The following CSNK1D variants were observed in gnomAD, a reference collection of about 807,000 sequenced individuals.
CSNK1D encodes casein kinase I isoform delta.
A neutral mutation model predicts 46.6 loss-of-function variants in CSNK1D; 16 were observed. That is an observed-to-expected ratio of 0.34 (90% confidence interval 0.23 to 0.52). The LOEUF (loss-of-function observed/expected upper bound fraction) is 0.52. Ranked by LOEUF, CSNK1D falls within the 20% of genes least tolerant of loss-of-function variation. CSNK1D has a pLI of 0.95. For missense variants in CSNK1D, 398 were observed against 578.4 expected (o/e 0.69, Z 3.20); for synonymous variants, 276 against 228.2 (o/e 1.21, Z -1.89).
chr17:82,245,719 G>C (rs774489759), intron 8 of CSNK1D: 2 of 510,306 alleles, frequency 3.9e-6, no homozygotes, highest in South Asian at 4.1e-5. Context: ...ACGCAGTCAC[G>C]GGGAGGCCAC....
rs1049377062 is a variant in CSNK1D, at chr17:82,264,816, G to A, written c.187+870C>T. Among the ~76,000 whole-genome samples the A allele has an allele frequency of 8.6e-5, 5 of 58,416 alleles. No homozygotes were observed. In the East Asian group the frequency reaches 1.4e-3, roughly 16 times the overall value. The allele number at this position is 58,416 out of a possible 152,430, so 38.3% of individuals were successfully genotyped here. On this transcript the variant is annotated intron_variant, in intron 2 of 8. Transcript: ENST00000314028. ...CAAAATCTTTTTTTTTTTTTTTTTT[G>A]AGACGGAGTCTCGCTCTTTCATCCA...
In CSNK1D at chr17:82,248,428, T is replaced by G; in HGVS notation, c.1197+447A>C. The G allele has an allele frequency of 3.0e-6, 3 of 1,009,812 alleles. No individual in the cohort carries two copies. Among genetic ancestry groups the G allele is most frequent in the Non-Finnish European group, 3.6e-6 (3 of 843,448 alleles). The allele number at this position is 1,009,812 out of a possible 1,614,324, so 62.6% of individuals were successfully genotyped here. A position where few individuals can be genotyped will look rare whatever the true frequency, so the allele number is the denominator to read the frequency against. ...TTGCAGGGCATGCCACCAGGGAGGGTCTCACAAGAAGCCCGTGGAGGTCCC... is the reference window on the plus strand; with the variant it reads ...TTGCAGGGCATGCCACCAGGGAGGGGCTCACAAGAAGCCCGTGGAGGTCCC... On this transcript the variant is annotated intron_variant, in intron 8 of 8. Transcript: ENST00000314028. This position sits in a 1 kb window ranked among gnomAD's most constrained non-coding sequence, Gnocchi z 4.1.
At position 82,252,713 on chromosome 17, in the gene CSNK1D, G is replaced by C; in HGVS notation, c.566-109C>G. On this transcript the variant is annotated intron_variant, in intron 4 of 8. Coordinates refer to ENST00000314028, the MANE Select transcript of CSNK1D (RefSeq NM_001893.6). This position sits in a 1 kb window ranked among gnomAD's most constrained non-coding sequence, Gnocchi z 4.6. ...GACTAGCCTCAGACACACATGCCCA[G>C]ATCACTCCAGCTGGCACTTCCAGTG... 2 of 1,151,046 alleles carry C rather than the reference G, an allele frequency of 1.7e-6. No homozygotes were observed. Among genetic ancestry groups the C allele is most frequent in the South Asian group, 2.6e-5 (2 of 76,434 alleles). The allele number at this position is 1,151,046 out of a possible 1,614,324, so 71.3% of individuals were successfully genotyped here.
chr17:82,261,474 G>C (rs2051338639), intron 2 of CSNK1D, among the ~76,000 whole-genome samples: 1 of 152,164 alleles, frequency 6.6e-6, no homozygotes, highest in Non-Finnish European at 1.5e-5. Flanking sequence ...TCTGTGAAAA[G>C]TTTCAATATA....
intron 8 of CSNK1D, chr17:82,246,349 C>T: frequency 1.5e-6 from 2 of 1,298,242 alleles, no homozygotes; most frequent in South Asian, 1.5e-5. Context: ...TGCTGGGCAG[C>T]CCCACAACTG....
In CSNK1D at chr17:82,250,625, G is replaced by A. The variant is rs559591894; in HGVS notation, c.885+754C>T. 7.6e-5 allele frequency: 14 copies of A among 185,256 alleles called. No homozygotes were observed. The South Asian group carries it at 1.0e-3, about 14-fold the overall frequency. The allele number at this position is 185,256 out of a possible 1,614,324, so 11.5% of individuals were successfully genotyped here. ...GCAAGTAAGTCAAGATGAACAGAGT[G>A]CACCCCTCCCAGCATCTGGAGACCC... On this transcript the variant is annotated intron_variant, in intron 6 of 8. Transcript: ENST00000314028. The surrounding 1 kb of genome is among the most constrained non-coding windows in gnomAD (Gnocchi z 4.6).
intron 3 of CSNK1D, 197 bp from the exon 4 acceptor site, chr17:82,253,441 C>A (rs1213894626): frequency 6.5e-6 from 4 of 618,030 alleles, no homozygotes; most frequent in Admixed American, 2.1e-5. Flanking sequence ...CCACACTCCA[C>A]CCTCCACAGG....
Position 82,250,316 on chromosome 17 carries a change from C to T in CSNK1D, c.886-714G>A, listed in dbSNP as rs547612193. The T allele has an allele frequency of 9.9e-6, 7 of 705,036 alleles. No individual in the cohort carries two copies. The highest frequency in any genetic ancestry group is 1.8e-5 in the African/African-American group (1 of 54,500). 43.7% of individuals were successfully genotyped at this position (705,036 alleles called of 1,614,324 possible). A position where few individuals can be genotyped will look rare whatever the true frequency, so the allele number is the denominator to read the frequency against. ...ACAGCCACGTTCACCAGGCAACACA[C>T]AGACCGACACACCTGCGGCTGCAGC... On this transcript the variant is annotated intron_variant, in intron 6 of 8. Transcript: ENST00000314028. This position sits in a 1 kb window ranked among gnomAD's most constrained non-coding sequence, Gnocchi z 4.6.
At position 82,255,041 on chromosome 17, in the gene CSNK1D, C is replaced by T. The variant is rs1168286329; in HGVS notation, c.336+388G>A. 5.5e-5 allele frequency: 20 copies of T among 362,398 alleles called. No individual in the cohort carries two copies. The highest frequency in any genetic ancestry group is 9.7e-4 in the Middle Eastern group (1 of 1,032). The allele number at this position is 362,398 out of a possible 1,614,324, so 22.4% of individuals were successfully genotyped here. A position where few individuals can be genotyped will look rare whatever the true frequency, so the allele number is the denominator to read the frequency against. On this transcript the variant is annotated intron_variant, in intron 3 of 8. Coordinates refer to ENST00000314028, the MANE Select transcript of CSNK1D (RefSeq NM_001893.6). This position sits in a 1 kb window ranked among gnomAD's most constrained non-coding sequence, Gnocchi z 5.9. ...CCAGTGAGCTGAGCCGTCGGAGCCT[C>T]GAGAAGCCAGTGAGCTGAGCCGCCG...
chr17:82,253,474 CCCA>C lies in CSNK1D; in HGVS notation c.337-233_337-231del, dbSNP rs780249962. The C allele has an allele frequency of 1.0e-3, 566 of 541,784 alleles. 2 individuals carry two copies. The highest frequency in any genetic ancestry group is 5.9e-3 in the Middle Eastern group (12 of 2,026). 33.6% of individuals were successfully genotyped at this position (541,784 alleles called of 1,614,324 possible). A position where few individuals can be genotyped will look rare whatever the true frequency, so the allele number is the denominator to read the frequency against. ...AGGCCTAGGCGCTTTGCCTTCAGCT[CCCA>C]CAAAACAGAGAGGTGAGGCGACAGA... On this transcript the variant is annotated intron_variant, in intron 3 of 8. Transcript: ENST00000314028.
chr17:82,262,100 C>A (rs999377911), intron 2 of CSNK1D, among the ~76,000 whole-genome samples: 2 of 152,242 alleles, frequency 1.3e-5, no homozygotes, highest in Non-Finnish European at 2.9e-5. Flanking sequence ...AGGTGTCTAT[C>A]CAAATCTTCC....
At chr17:82,260,036 CTGA>C (rs1568574288) in intron 2 of CSNK1D, among the ~76,000 whole-genome samples, 1 of 108,554 alleles carries the variant, frequency 9.2e-6, no homozygotes, top group African/African-American at 5.7e-5. Flanking sequence ...GGTGTACTGA[CTGA>C]TGTGACTGAT....
At position 82,244,421 on chromosome 17, in the gene CSNK1D, C is replaced by G. The variant is rs1337024041; in HGVS notation, c.*360G>C. ...GCAAAATGATACAAAACTGTCTTAACCAAGTAGAAGATTGGTAGTTACAGT... is the reference window on the plus strand; with the variant it reads ...GCAAAATGATACAAAACTGTCTTAAGCAAGTAGAAGATTGGTAGTTACAGT... On this transcript the variant is annotated 3_prime_UTR_variant, in exon 9 of 9. Transcript: ENST00000314028. 4 of 1,233,206 alleles carry G rather than the reference C, an allele frequency of 3.2e-6. No homozygotes were observed. In the Admixed American group the frequency reaches 1.4e-4, roughly 44 times the overall value. 76.4% of individuals were successfully genotyped at this position (1,233,206 alleles called of 1,614,324 possible). A position where few individuals can be genotyped will look rare whatever the true frequency, so the allele number is the denominator to read the frequency against.
At chr17:82,240,556 C>T (rs143420827), downstream of CSNK1D, among the ~76,000 whole-genome samples, 28 of 152,280 alleles carry the variant, frequency 1.8e-4, no homozygotes, top group Middle Eastern at 3.4e-3. Flanking sequence ...GCTCCTGGAA[C>T]CCTGTTTCCA....
intron 8 of CSNK1D, chr17:82,246,058 AGCT>A: frequency 1.2e-6 from 2 of 1,604,448 alleles, no homozygotes; most frequent in Non-Finnish European, 1.7e-6. Context: ...GGGAAAAGAC[AGCT>A]GTTGGTAAGC....
At position 82,243,595 on chromosome 17, in the gene CSNK1D, G is replaced by A. The variant is rs780404026; in HGVS notation, c.*1186C>T. On this transcript the variant is annotated 3_prime_UTR_variant, in exon 9 of 9. Coordinates refer to ENST00000314028, the MANE Select transcript of CSNK1D (RefSeq NM_001893.6). Reference sequence around the variant, plus strand: ...ACAGCGCAGACTCTACTTTCTGGCCGTGAAGGTTCTGGGTCCGGTTGGGAG... The same window carrying A: ...ACAGCGCAGACTCTACTTTCTGGCCATGAAGGTTCTGGGTCCGGTTGGGAG... The A allele has an allele frequency of 3.1e-5, 31 of 985,370 alleles. No individual in the cohort carries two copies. Among genetic ancestry groups the A allele is most frequent in the Non-Finnish European group, 3.5e-5 (29 of 829,958 alleles). The allele number at this position is 985,370 out of a possible 1,614,324, so 61.0% of individuals were successfully genotyped here. A position where few individuals can be genotyped will look rare whatever the true frequency, so the allele number is the denominator to read the frequency against.
Position 82,243,779 on chromosome 17 carries a change from A to C in CSNK1D, c.*1002T>G, listed in dbSNP as rs1468591967. 2.0e-6 allele frequency: 2 copies of C among 985,348 alleles called. No homozygotes were observed. The highest frequency in any genetic ancestry group is 2.4e-6 in the Non-Finnish European group (2 of 829,976). 61.0% of individuals were successfully genotyped at this position (985,348 alleles called of 1,614,324 possible). ...CCGCACAGGAGCATTGAGTGCTGAGAAAATGGACTGAGTGCAAAGGCAGCA... is the reference window on the plus strand; with the variant it reads ...CCGCACAGGAGCATTGAGTGCTGAGCAAATGGACTGAGTGCAAAGGCAGCA... On this transcript the variant is annotated 3_prime_UTR_variant, in exon 9 of 9. Coordinates refer to ENST00000314028, the MANE Select transcript of CSNK1D (RefSeq NM_001893.6).
In CSNK1D at chr17:82,273,664, T is replaced by C. The variant is rs2051704105; in HGVS notation, c.-283A>G. Reference sequence around the variant, plus strand: ...TCGGATCTTCCGGGCCTAAATCCCCTTTCAGCTGCCTAAAGGAGCCGCCGC... The same window carrying C: ...TCGGATCTTCCGGGCCTAAATCCCCCTTCAGCTGCCTAAAGGAGCCGCCGC... On this transcript the variant is annotated 5_prime_UTR_variant, in exon 1 of 9. Coordinates refer to ENST00000314028, the MANE Select transcript of CSNK1D (RefSeq NM_001893.6). This position sits in a 1 kb window ranked among gnomAD's most constrained non-coding sequence, Gnocchi z 5.1. 3.7e-6 allele frequency: 2 copies of C among 536,686 alleles called. No individual in the cohort carries two copies. Among genetic ancestry groups the C allele is most frequent in the Non-Finnish European group, 6.5e-6 (2 of 306,458 alleles). The allele number at this position is 536,686 out of a possible 1,614,324, so 33.2% of individuals were successfully genotyped here. A position where few individuals can be genotyped will look rare whatever the true frequency, so the allele number is the denominator to read the frequency against.
At position 82,273,398 on chromosome 17, in the gene CSNK1D, T is replaced by C. The variant is rs1207926620; in HGVS notation, c.-17A>G. Reference sequence around the variant, plus strand: ...CAGCTCCATGGCGGCGGCGGCCCGATTCGCTCCTGCCCTCCCGGCCGCTTC... The same window carrying C: ...CAGCTCCATGGCGGCGGCGGCCCGACTCGCTCCTGCCCTCCCGGCCGCTTC... On this transcript the variant is annotated 5_prime_UTR_variant, in exon 1 of 9. Transcript: ENST00000314028. This position sits in a 1 kb window ranked among gnomAD's most constrained non-coding sequence, Gnocchi z 5.1. 6.2e-7 allele frequency: 1 copy of C among 1,610,186 alleles called. No homozygotes were observed. Among genetic ancestry groups the C allele is most frequent in the Non-Finnish European group, 8.5e-7 (1 of 1,179,210 alleles).
Sources: allele counts gnomAD v4.1 joint callset (sites outside exome capture counted in the v4.1 genomes callset), GRCh38; gene constraint gnomAD v4.1.1; non-coding constraint Gnocchi (gnomAD v3.1); transcripts MANE v1.5; gene names NCBI Gene and HGNC (gene_info 2026-07-23, HGNC 2026-07-21).